Variants in SPACA7 observed in about 807,000 individuals in gnomAD.
The protein encoded by SPACA7 is sperm acrosome associated 7.
SPACA7 carries 19 observed loss-of-function variants against 26.3 expected under a neutral mutation model. The observed-to-expected ratio is 0.72, with a 90% CI of 0.50 to 1.06. The LOEUF (loss-of-function observed/expected upper bound fraction) is 1.06. SPACA7 is among the 50% of genes least tolerant of loss of function. The pLI, the probability that SPACA7 is intolerant of heterozygous loss-of-function variation, is 0.00. For synonymous variants in SPACA7, 84 were observed against 84.5 expected (o/e 0.99, Z 0.04); for missense variants, 211 against 229.9 (o/e 0.92, Z 0.53).
At chr13:112,384,815 C>A (rs1884423136) in intron 1 of SPACA7, among the ~76,000 whole-genome samples, 1 of 152,070 alleles carries the variant, frequency 6.6e-6, no homozygotes, top group Non-Finnish European at 1.5e-5. Flanking sequence ...AAGGAGAAAA[C>A]AAAACTCTTT....
At chr13:112,392,768 T>C (rs1470916612) in intron 1 of SPACA7, among the ~76,000 whole-genome samples, 1 of 152,140 alleles carries the variant, frequency 6.6e-6, no homozygotes, top group African/African-American at 2.4e-5. Flanking sequence ...TCAGAGCTCC[T>C]GGACAATTGT....
chr13:112,399,130 T>G lies in SPACA7; in HGVS notation c.306T>G (p.Asn102Lys). 1 of 1,610,574 alleles carries G rather than the reference T, an allele frequency of 6.2e-7. No homozygotes were observed. Among genetic ancestry groups the G allele is most frequent in the Non-Finnish European group, 8.5e-7 (1 of 1,176,832 alleles). The change falls in exon 4 of 7, where the codon AAT (asparagine) becomes AAG (lysine). Residue 102 changes from asparagine to lysine, a missense_variant. Asn to Lys is a moderately conservative substitution (Grantham distance 94, BLOSUM62 0). Transcript: ENST00000283550. ...AGAATTACCATGAATTATTAGAGAA[T>G]TTACAATTCTCTCCTGGCATTGAGG... Reference protein sequence around the residue: ...GSENYHELLENLQFSPGIEVK... With the variant: ...GSENYHELLEKLQFSPGIEVK...
chr13:112,429,792 T>C (rs548322821), intron 5 of SPACA7, among the ~76,000 whole-genome samples: 16 of 152,236 alleles, frequency 1.1e-4, no homozygotes, highest in Non-Finnish European at 2.2e-4. Context: ...TCTTACTTCA[T>C]TATGTGTTAG....
At chr13:112,400,397 C>T (rs989149251) in intron 4 of SPACA7, among the ~76,000 whole-genome samples, 1 of 152,208 alleles carries the variant, frequency 6.6e-6, no homozygotes, top group Non-Finnish European at 1.5e-5. Context: ...TCTCTTTCTG[C>T]CATTGCTTCT....
rs185636570 is a variant in SPACA7, at chr13:112,396,070, G to A, written c.152-1979G>A. Among the ~76,000 whole-genome samples the A allele has an allele frequency of 3.4e-4, 46 of 137,056 alleles. 1 individual carries two copies. In the East Asian group the frequency reaches 7.2e-3, roughly 21 times the overall value. The allele number at this position is 137,056 out of a possible 152,430, so 89.9% of individuals were successfully genotyped here. A position where few individuals can be genotyped will look rare whatever the true frequency, so the allele number is the denominator to read the frequency against. The stretch of plus-strand genomic sequence containing the variant: ...ATGACTGCTCTCCGAGCAGGAACGC[G>A]CCTCCTCACAGCTGGGCCACCATCC... On this transcript the variant is annotated intron_variant, in intron 2 of 6. Transcript: ENST00000283550.
At chr13:112,389,617 TTATAATTAC>T (rs1189065755) in intron 1 of SPACA7, among the ~76,000 whole-genome samples, 1 of 152,196 alleles carries the variant, frequency 6.6e-6, no homozygotes, top group Non-Finnish European at 1.5e-5. Context: ...TTAAGGAATT[TTATAATTAC>T]TTCAGCAATA....
At chr13:112,399,456 G>T (rs908611535) in intron 4 of SPACA7, among the ~76,000 whole-genome samples, 1 of 152,206 alleles carries the variant, frequency 6.6e-6, no homozygotes, top group Non-Finnish European at 1.5e-5. Flanking sequence ...AGGGAGGCAG[G>T]TGCTGCCACA....
chr13:112,425,159 T>A (rs550803044), intron 5 of SPACA7, among the ~76,000 whole-genome samples: 13 of 152,312 alleles, frequency 8.5e-5, no homozygotes, highest in South Asian at 4.1e-4. Flanking sequence ...CACAGTGGCG[T>A]GGGCGCCCGG....
At chr13:112,382,576 T>C in intron 1 of SPACA7, 1 of 1,520,756 alleles carries the variant, frequency 6.6e-7, no homozygotes, top group Non-Finnish European at 8.8e-7. Flanking sequence ...CTTCCAAGGC[T>C]TGTGTGGTAA....
rs369684522 is a variant in SPACA7 at position 112,403,632 on chromosome 13, T to C, written c.445+2468T>C. On this transcript the variant is annotated intron_variant, in intron 5 of 6. Transcript: ENST00000283550. ...ATTGTGTCATTCTTATGCCTTTCCA[T>C]CCTCATAGCTTAGCTCCCACTTATG... 3.9e-5 allele frequency among the ~76,000 whole-genome samples: 6 copies of C among 152,320 alleles called. No homozygotes were observed. In the East Asian group the frequency reaches 9.7e-4, roughly 25 times the overall value.
chr13:112,411,785 T>G (rs1417215801), intron 5 of SPACA7, among the ~76,000 whole-genome samples: 1 of 152,202 alleles, frequency 6.6e-6, no homozygotes, highest in Non-Finnish European at 1.5e-5. Flanking sequence ...TATGACTGAA[T>G]AGTATTCCAT....
intron 5 of SPACA7, 140 bp downstream of exon 5, chr13:112,401,304 A>G: frequency 1.6e-6 from 1 of 627,758 alleles, no homozygotes; most frequent in South Asian, 2.0e-5. Context: ...GAGAAGTGGT[A>G]TTTCAGTACT....
intron 4 of SPACA7, among the ~76,000 whole-genome samples, chr13:112,400,048 A>C (rs1885536052): frequency 6.6e-6 from 1 of 152,178 alleles, no homozygotes; most frequent in South Asian, 2.1e-4. Flanking sequence ...ACTGGGGATT[A>C]CATTTAGACA....
chr13:112,381,499 A>C (rs1415163806), intron 1 of SPACA7, among the ~76,000 whole-genome samples: 2 of 150,570 alleles, frequency 1.3e-5, no homozygotes, highest in East Asian at 4.1e-4. Context: ...TCCCCCAAAA[A>C]AAAAAAAAAA....
At chr13:112,429,153 G>C (rs1431362312) in intron 5 of SPACA7, among the ~76,000 whole-genome samples, 1 of 152,144 alleles carries the variant, frequency 6.6e-6, no homozygotes, top group Admixed American at 6.5e-5. Context: ...GAGGCAACAG[G>C]ATCACTTGAG....
intron 5 of SPACA7, among the ~76,000 whole-genome samples, chr13:112,411,531 A>G (rs1014910923): frequency 7.9e-5 from 12 of 152,114 alleles, no homozygotes; most frequent in African/African-American, 2.9e-4. Context: ...CAAATGCTAG[A>G]ACTTATTCCT....
chr13:112,383,134 AAAGAAAG>A (rs1884261647), intron 1 of SPACA7, among the ~76,000 whole-genome samples: 2 of 3,558 alleles, frequency 5.6e-4, no homozygotes, highest in Admixed American at 6.0e-3. Flanking sequence ...AGAAAGAAAG[AAAGAAAG>A]AAAGAAAGAA....
intron 5 of SPACA7, among the ~76,000 whole-genome samples, chr13:112,419,088 A>G (rs1886864570): frequency 6.6e-6 from 1 of 152,132 alleles, no homozygotes; most frequent in Non-Finnish European, 1.5e-5. Flanking sequence ...GATCATCTAC[A>G]AAACCATGGC....
At chr13:112,403,545 C>A (rs1885780734) in intron 5 of SPACA7, among the ~76,000 whole-genome samples, 1 of 151,940 alleles carries the variant, frequency 6.6e-6, no homozygotes, top group Admixed American at 6.6e-5. Context: ...CACACTGTAC[C>A]CAATTTGTAG....
Sources: allele counts gnomAD v4.1 joint callset (sites outside exome capture counted in the v4.1 genomes callset), GRCh38; gene constraint gnomAD v4.1.1; transcripts MANE v1.5; gene names NCBI Gene and HGNC (gene_info 2026-07-23, HGNC 2026-07-21).